FKRP: variants seen among roughly 807,000 people sequenced by gnomAD.
FKRP encodes the protein ribitol 5-phosphate transferase FKRP.
FKRP carries 25 observed loss-of-function variants against 30.6 expected under a neutral mutation model. The observed-to-expected ratio is 0.82, with a 90% confidence interval of 0.60 to 1.14. FKRP has a LOEUF of 1.14. Ranked by LOEUF, FKRP falls within the 50% of genes most tolerant of loss-of-function variation. FKRP has a pLI of 0.00. For missense variants in FKRP, 771 were observed against 727.8 expected, an observed-to-expected ratio of 1.06 and a Z score of -0.68; for synonymous variants, 358 against 342.5, an observed-to-expected ratio of 1.05 and a Z score of -0.50.
chr19:46,751,651 C>T (rs557270799), intron 3 of FKRP, among the ~76,000 whole-genome samples: 1 of 150,636 alleles, frequency 6.6e-6, no homozygotes, highest in African/African-American at 2.4e-5. Flanking sequence ...CTGCAAGCTC[C>T]GCTTCCCGGG....
chr19:46,746,313 C>G lies in FKRP; in HGVS notation c.-253+223C>G, dbSNP rs771298555. On this transcript the variant is annotated intron_variant, in intron 1 of 3. Coordinates refer to ENST00000318584, the MANE Select transcript of FKRP (RefSeq NM_024301.5). The stretch of plus-strand genomic sequence containing the variant: ...CCTCCCTTACCTGCCGGGCCCGGCC[C>G]GGGGGCAGGGGCGGAGACCGGGGCC... The G allele has an allele frequency of 1.3e-5, 18 of 1,356,868 alleles. No individual in the cohort carries two copies. In the South Asian group the frequency reaches 2.8e-4, roughly 21 times the overall value. 84.1% of individuals were successfully genotyped at this position (1,356,868 alleles called of 1,614,324 possible). A position where few individuals can be genotyped will look rare whatever the true frequency, so the allele number is the denominator to read the frequency against.
chr19:46,746,040 C>T (rs562627844), upstream of FKRP: 12,150 of 1,182,366 alleles, frequency 0.01, 714 homozygotes, highest in Non-Finnish European at 0.011. Context: ...CGCCCCCCCG[C>T]CGGCCGTCCC....
chr19:46,755,891 G>T lies in FKRP; in HGVS notation c.441G>T (p.Ala147=), dbSNP rs1185093260. The T allele has an allele frequency of 6.6e-7, 1 of 1,508,406 alleles. No homozygotes were observed. Among genetic ancestry groups the T allele is most frequent in the Non-Finnish European group, 8.8e-7 (1 of 1,132,782 alleles). The allele number at this position is 1,508,406 out of a possible 1,614,324, so 93.4% of individuals were successfully genotyped here. Residue 147 remains alanine, a synonymous_variant, in exon 4 of 4, where the codon GCG becomes GCT. Transcript: ENST00000318584. ...GCCTGCTGGAGCGCATGGTGGAGGC[G>T]CTCCGCGCAGGAAGCGCACGTCTGG... is the stretch of plus-strand genomic sequence containing the variant. ...APGLLERMVE[A]LRAGSARLVA...
At position 46,746,061 on chromosome 19, in the gene FKRP, G is replaced by A; in HGVS notation, c.-282G>A. The A allele has an allele frequency of 2.4e-6, 3 of 1,251,966 alleles. No individual in the cohort carries two copies. The highest frequency in any genetic ancestry group is 3.0e-6 in the Non-Finnish European group (3 of 988,994). 77.6% of individuals were successfully genotyped at this position (1,251,966 alleles called of 1,614,324 possible). ...CCCGCCGGCCGTCCCGGCGGCCATT[G>A]CTCCAAGATGGCGGCGGCGGCGGCA... On this transcript the variant is annotated 5_prime_UTR_variant, in exon 1 of 4. Coordinates refer to ENST00000318584, the MANE Select transcript of FKRP (RefSeq NM_024301.5).
At chr19:46,750,324 C>G (rs1009384098) in intron 3 of FKRP, among the ~76,000 whole-genome samples, 12 of 152,138 alleles carry the variant, frequency 7.9e-5, no homozygotes, top group Non-Finnish European at 1.5e-4. Context: ...ATCTGGCCAT[C>G]AAATCTGCTG....
rs754088436 is a variant in FKRP at position 46,755,554 on chromosome 19, G to T, written c.104G>T (p.Arg35Leu). Residue 35 changes from arginine to leucine, a missense_variant, in exon 4 of 4, where the codon CGG becomes CTG. Transcript: ENST00000318584. ...SWLQHQPRNS[R>L]ARGPRRASAA... ...CTGCAGCACCAGCCTAGGAATTCCC[G>T]GGCCCGGGGGCCCCGTCGTGCCTCT... is the stretch of plus-strand genomic sequence containing the variant. The T allele has an allele frequency of 6.2e-7, 1 of 1,606,328 alleles. No individual in the cohort carries two copies. Among genetic ancestry groups the T allele is most frequent in the Non-Finnish European group, 8.5e-7 (1 of 1,176,842 alleles).
chr19:46,756,234 C>G lies in FKRP; in HGVS notation c.784C>G (p.Arg262Gly). ...GCGCTGGAAGGCTGAGCGCGAGGGA[C>G]GCGCTCGGCGGGCGGCGCTGCTCCG... is the stretch of plus-strand genomic sequence containing the variant. ...HARWKAEREG[R>G]ARRAALLRAL... Residue 262 changes from arginine (R) to glycine (G), a missense_variant, in exon 4 of 4, where the codon CGC becomes GGC. Coordinates refer to ENST00000318584, the MANE Select transcript of FKRP (RefSeq NM_024301.5). This position sits in a 1 kb window ranked among gnomAD's most constrained non-coding sequence, Gnocchi z 6.6. 1 of 1,453,994 alleles carries G rather than the reference C, an allele frequency of 6.9e-7. No individual in the cohort carries two copies. Among genetic ancestry groups the G allele is most frequent in the South Asian group, 1.3e-5 (1 of 74,460 alleles). 90.1% of individuals were successfully genotyped at this position (1,453,994 alleles called of 1,614,324 possible). A position where few individuals can be genotyped will look rare whatever the true frequency, so the allele number is the denominator to read the frequency against.
intron 3 of FKRP, among the ~76,000 whole-genome samples, chr19:46,752,171 G>T (rs1305968694): frequency 6.6e-6 from 1 of 152,200 alleles, no homozygotes; most frequent in African/African-American, 2.4e-5. Context: ...AGCCACAGAA[G>T]GGCCTGAGCA....
In FKRP at chr19:46,746,099, G is replaced by A. The variant is rs571064207; in HGVS notation, c.-253+9G>A. The A allele has an allele frequency of 9.0e-5, 125 of 1,395,490 alleles. No homozygotes were observed. The African/African-American group carries it at 1.7e-3, about 19-fold the overall frequency. The allele number at this position is 1,395,490 out of a possible 1,614,324, so 86.4% of individuals were successfully genotyped here. A position where few individuals can be genotyped will look rare whatever the true frequency, so the allele number is the denominator to read the frequency against. ...GGCGGCGGCGGCAGCGGGTGAGGCC[G>A]GGCCGGGCCGGGCCGGGTTGGGGGT... is the stretch of plus-strand genomic sequence containing the variant. On this transcript the variant is annotated intron_variant, in intron 1 of 3. Coordinates refer to ENST00000318584, the MANE Select transcript of FKRP (RefSeq NM_024301.5).
Position 46,757,402 on chromosome 19 carries a change from G to T in FKRP, c.*464G>T, listed in dbSNP as rs537295209. 2.6e-5 allele frequency: 5 copies of T among 194,894 alleles called. No individual in the cohort carries two copies. Among genetic ancestry groups the T allele is most frequent in the Middle Eastern group, 2.8e-3 (1 of 360 alleles). 12.1% of individuals were successfully genotyped at this position (194,894 alleles called of 1,614,324 possible). A position where few individuals can be genotyped will look rare whatever the true frequency, so the allele number is the denominator to read the frequency against. The stretch of plus-strand genomic sequence containing the variant: ...TCGCTTCGGAGCCAGGTGGGCCTGG[G>T]GGGGCGTCGCAGTCTCTCTGTGCCT... On this transcript the variant is annotated 3_prime_UTR_variant, in exon 4 of 4. Coordinates refer to ENST00000318584, the MANE Select transcript of FKRP (RefSeq NM_024301.5).
chr19:46,758,247 T>C lies in FKRP; in HGVS notation c.*1309T>C, dbSNP rs1028278281. On this transcript the variant is annotated 3_prime_UTR_variant, in exon 4 of 4. Coordinates refer to ENST00000318584, the MANE Select transcript of FKRP (RefSeq NM_024301.5). The stretch of plus-strand genomic sequence containing the variant: ...GGGGCTTGAACCCAGGTGGTCAGGC[T>C]CTGGAGCCCACAATTGTCTTACCCA... 2 of 167,090 alleles carry C rather than the reference T, an allele frequency of 1.2e-5. No homozygotes were observed. The highest frequency in any genetic ancestry group is 2.4e-5 in the African/African-American group (1 of 41,462). The allele number at this position is 167,090 out of a possible 1,614,324, so 10.4% of individuals were successfully genotyped here.
chr19:46,748,303 G>C lies in FKRP; in HGVS notation c.-190-212G>C, dbSNP rs562882514. Among the ~76,000 whole-genome samples the C allele has an allele frequency of 4.0e-5, 6 of 151,424 alleles. No individual in the cohort carries two copies. In the East Asian group the frequency reaches 1.2e-3, roughly 30 times the overall value. On this transcript the variant is annotated intron_variant, in intron 2 of 3. Transcript: ENST00000318584. ...AGCGATTCTCCTGCCTCAGCCTCCC[G>C]AGTAGCTGGGATTACAGGCACCTGC...
chr19:46,756,482 C>A lies in FKRP; in HGVS notation c.1032C>A (p.Gly344=), dbSNP rs767312918. The change falls in exon 4 of 4, where the codon GGC becomes GGA. Residue 344 remains glycine (G), a synonymous_variant. Transcript: ENST00000318584. This position sits in a 1 kb window ranked among gnomAD's most constrained non-coding sequence, Gnocchi z 6.6. ...EAAGVRYWLE[G]GSLLGAARHG... ...CGGGCGTGCGCTACTGGCTCGAGGG[C>A]GGCTCACTGCTGGGGGCCGCCCGCC... The A allele has an allele frequency of 6.5e-7, 1 of 1,533,272 alleles. No individual in the cohort carries two copies. The highest frequency in any genetic ancestry group is 8.7e-7 in the Non-Finnish European group (1 of 1,143,578). The allele number at this position is 1,533,272 out of a possible 1,614,324, so 95.0% of individuals were successfully genotyped here.
chr19:46,751,518 A>ACAGGCGC (rs1413426093), intron 3 of FKRP, among the ~76,000 whole-genome samples: 2 of 150,472 alleles, frequency 1.3e-5, no homozygotes, highest in Non-Finnish European at 2.9e-5. Flanking sequence ...AGCTGGGATT[A>ACAGGCGC]CAGGCGCCTG....
At chr19:46,751,687 T>C (rs1221420783) in intron 3 of FKRP, among the ~76,000 whole-genome samples, 3 of 150,090 alleles carry the variant, frequency 2.0e-5, no homozygotes, top group African/African-American at 7.4e-5. Context: ...TGCCTCAGCC[T>C]CCCGAGTAGC....
chr19:46,751,346 G>T (rs1222124534), intron 3 of FKRP, among the ~76,000 whole-genome samples: 2 of 151,940 alleles, frequency 1.3e-5, no homozygotes, highest in Non-Finnish European at 2.9e-5. Flanking sequence ...TTACAGGTGT[G>T]AGCCACTGCA....
Position 46,756,311 on chromosome 19 carries a change from C to A in FKRP, c.861C>A (p.Phe287Leu). 6.5e-7 allele frequency: 1 copy of A among 1,548,196 alleles called. No individual in the cohort carries two copies. Among genetic ancestry groups the A allele is most frequent in the South Asian group, 1.2e-5 (1 of 84,604 alleles). ...VSWEGGRLEW[F>L]GCNKETTRCF... ...GGGAAGGCGGGCGGCTGGAGTGGTTCGGCTGCAACAAGGAGACCACGCGCT... is the reference window on the plus strand; with the variant it reads ...GGGAAGGCGGGCGGCTGGAGTGGTTAGGCTGCAACAAGGAGACCACGCGCT... Residue 287 changes from phenylalanine (F) to leucine (L), a missense_variant, in exon 4 of 4, where the codon TTC becomes TTA. Coordinates refer to ENST00000318584, the MANE Select transcript of FKRP (RefSeq NM_024301.5). This position sits in a 1 kb window ranked among gnomAD's most constrained non-coding sequence, Gnocchi z 6.6.
Position 46,746,502 on chromosome 19 carries a change from C to G in FKRP, c.-253+412C>G, listed in dbSNP as rs867067375. 52 of 796,202 alleles carry G rather than the reference C, an allele frequency of 6.5e-5. No homozygotes were observed. The Admixed American group carries it at 1.5e-3, about 22-fold the overall frequency. The allele number at this position is 796,202 out of a possible 1,614,324, so 49.3% of individuals were successfully genotyped here. A position where few individuals can be genotyped will look rare whatever the true frequency, so the allele number is the denominator to read the frequency against. ...GCGCGGCCGCGCCAACACCCCCCCC[C>G]CTCCCCCGCCGCAACCACCGCGCGC... On this transcript the variant is annotated intron_variant, in intron 1 of 3. Coordinates refer to ENST00000318584, the MANE Select transcript of FKRP (RefSeq NM_024301.5).
rs2054959002 is a variant in FKRP, at chr19:46,757,841, G to A, written c.*903G>A. On this transcript the variant is annotated 3_prime_UTR_variant, in exon 4 of 4. Coordinates refer to ENST00000318584, the MANE Select transcript of FKRP (RefSeq NM_024301.5). ...TAATCCCAGCACTTTGGGAGGCCGAGGTGGGAGGATCGCTTGAGCCCAGGA... is the reference window on the plus strand; with the variant it reads ...TAATCCCAGCACTTTGGGAGGCCGAAGTGGGAGGATCGCTTGAGCCCAGGA... 6.0e-6 allele frequency: 1 copy of A among 166,912 alleles called. No individual in the cohort carries two copies. Among genetic ancestry groups the A allele is most frequent in the Non-Finnish European group, 1.5e-5 (1 of 68,296 alleles). 10.3% of individuals were successfully genotyped at this position (166,912 alleles called of 1,614,324 possible).
Sources: allele counts gnomAD v4.1 joint callset (sites outside exome capture counted in the v4.1 genomes callset), GRCh38; gene constraint gnomAD v4.1.1; non-coding constraint Gnocchi (gnomAD v3.1); transcripts MANE v1.5; gene names NCBI Gene and HGNC (gene_info 2026-07-23, HGNC 2026-07-21).